Variants in TMEM127 observed in about 807,000 individuals in gnomAD.
TMEM127 encodes the protein transmembrane protein 127.
Under a neutral mutation model 20.1 loss-of-function variants are expected in TMEM127, and 21 were observed. That is an observed-to-expected ratio of 1.04 (90% CI 0.74 to 1.50). The LOEUF (loss-of-function observed/expected upper bound fraction) is 1.50, where lower values mean the gene tolerates loss of function less well. Ranked by LOEUF, TMEM127 falls within the 40% of genes most tolerant of loss-of-function variation. TMEM127 has a pLI of 0.00. For missense variants in TMEM127, 303 were observed against 317.4 expected (o/e 0.95, Z 0.34); for synonymous variants, 150 against 144.7 (o/e 1.04, Z -0.26).
rs571622935 is a variant in TMEM127, at chr2:96,262,262, T to TAA, written c.244+2874_244+2875dup. Reference sequence around the variant, plus strand: ...TGACAGAGCAAGAGTCTGTCTCATTTAAAAAAAAAAAAAAAAAAACTCTAT... The same window carrying TAA: ...TGACAGAGCAAGAGTCTGTCTCATTTAAAAAAAAAAAAAAAAAAAAACTCTAT... On this transcript the variant is annotated intron_variant, in intron 2 of 3. Coordinates refer to ENST00000258439, the MANE Select transcript of TMEM127 (RefSeq NM_017849.4). Among the ~76,000 whole-genome samples, 531 of 132,938 alleles carry TAA rather than the reference T, an allele frequency of 4.0e-3. 1 individual carries two copies. The highest frequency in any genetic ancestry group is 5.1e-3 in the Admixed American group (67 of 13,124). The allele number at this position is 132,938 out of a possible 152,430, so 87.2% of individuals were successfully genotyped here.
chr2:96,260,212 G>A (rs1403607378), intron 2 of TMEM127, among the ~76,000 whole-genome samples: 4 of 152,186 alleles, frequency 2.6e-5, no homozygotes, highest in African/African-American at 4.8e-5. Context: ...AGAGCACACC[G>A]GAAGAACAGG....
At position 96,249,782 on chromosome 2, in the gene TMEM127, G is replaced by A. The variant is rs901244329; in HGVS notation, c.*4026C>T. ...TTCCATTAGTGTAGTGGCTGAGAGC[G>A]TGGATATTTCAGGCAAGATGCCAGC... On this transcript the variant is annotated 3_prime_UTR_variant, in exon 4 of 4. Coordinates refer to ENST00000258439, the MANE Select transcript of TMEM127 (RefSeq NM_017849.4). The A allele has an allele frequency of 3.0e-5, 7 of 233,004 alleles. No homozygotes were observed. The highest frequency in any genetic ancestry group is 1.1e-4 in the African/African-American group (5 of 45,322). The allele number at this position is 233,004 out of a possible 1,614,324, so 14.4% of individuals were successfully genotyped here.
chr2:96,261,225 T>G (rs1409810544), intron 2 of TMEM127, among the ~76,000 whole-genome samples: 2 of 151,534 alleles, frequency 1.3e-5, no homozygotes, highest in Non-Finnish European at 2.9e-5. Context: ...GAGAGCTGTG[T>G]GAGAAGCAGG....
Position 96,250,993 on chromosome 2 carries a change from C to G in TMEM127, c.*2815G>C, listed in dbSNP as rs1684076100. ...ACAGCCCAAAGAAGTCTATTTCCTC[C>G]CACAGGATGGCTAGAGTTTAGGAGC... On this transcript the variant is annotated 3_prime_UTR_variant, in exon 4 of 4. Coordinates refer to ENST00000258439, the MANE Select transcript of TMEM127 (RefSeq NM_017849.4). 1.3e-5 allele frequency: 3 copies of G among 226,156 alleles called. No individual in the cohort carries two copies. The highest frequency in any genetic ancestry group is 2.6e-5 in the Non-Finnish European group (3 of 113,588). 14.0% of individuals were successfully genotyped at this position (226,156 alleles called of 1,614,324 possible).
chr2:96,251,948 G>A lies in TMEM127; in HGVS notation c.*1860C>T, dbSNP rs1218963051. 4.3e-6 allele frequency: 1 copy of A among 233,162 alleles called. No individual in the cohort carries two copies. Among genetic ancestry groups the A allele is most frequent in the Non-Finnish European group, 8.5e-6 (1 of 117,792 alleles). 14.4% of individuals were successfully genotyped at this position (233,162 alleles called of 1,614,324 possible). On this transcript the variant is annotated 3_prime_UTR_variant, in exon 4 of 4. Transcript: ENST00000258439. ...AGACACCCAAGGGCAGAGAGAGCTG[G>A]CCACAAGTAAACCTGCCAATGACAA...
intron 2 of TMEM127, among the ~76,000 whole-genome samples, chr2:96,258,765 C>T (rs1211286178): frequency 6.6e-6 from 1 of 152,150 alleles, no homozygotes; most frequent in East Asian, 1.9e-4. Context: ...TTATTAAAAG[C>T]TAAGAGAGTT....
intron 2 of TMEM127, among the ~76,000 whole-genome samples, chr2:96,263,923 A>G (rs1331400229): frequency 6.6e-6 from 1 of 152,194 alleles, no homozygotes; most frequent in Non-Finnish European, 1.5e-5. Context: ...CATTAGCAAC[A>G]TGACAGAGAA....
rs1684069977 is a variant in TMEM127, at chr2:96,250,743, G to C, written c.*3065C>G. ...GAACGGAGAGAACGTGGGCAATCAAGGCCTGGCACTGCCCTACAGGAGGCT... is the reference window on the plus strand; with the variant it reads ...GAACGGAGAGAACGTGGGCAATCAACGCCTGGCACTGCCCTACAGGAGGCT... On this transcript the variant is annotated 3_prime_UTR_variant, in exon 4 of 4. Transcript: ENST00000258439. 4.3e-6 allele frequency: 1 copy of C among 232,806 alleles called. No individual in the cohort carries two copies. Among genetic ancestry groups the C allele is most frequent in the Non-Finnish European group, 8.5e-6 (1 of 117,884 alleles). 14.4% of individuals were successfully genotyped at this position (232,806 alleles called of 1,614,324 possible). A position where few individuals can be genotyped will look rare whatever the true frequency, so the allele number is the denominator to read the frequency against.
rs1304163073 is a variant in TMEM127 at position 96,252,224 on chromosome 2, T to C, written c.*1584A>G. The C allele has an allele frequency of 4.3e-6, 1 of 233,250 alleles. No individual in the cohort carries two copies. Among genetic ancestry groups the C allele is most frequent in the Admixed American group, 5.6e-5 (1 of 17,776 alleles). 14.4% of individuals were successfully genotyped at this position (233,250 alleles called of 1,614,324 possible). On this transcript the variant is annotated 3_prime_UTR_variant, in exon 4 of 4. Coordinates refer to ENST00000258439, the MANE Select transcript of TMEM127 (RefSeq NM_017849.4). This position sits in a 1 kb window ranked among gnomAD's most constrained non-coding sequence, Gnocchi z 4.2. ...GTCAATCTGGCCAAAGGATGGGACA[T>C]GACAGTCCCTTTCTAGCCACAGCTT...
In TMEM127 at chr2:96,249,318, G is replaced by T. The variant is rs1162516307; in HGVS notation, c.*4490C>A. The T allele has an allele frequency of 4.8e-6, 1 of 207,788 alleles. No individual in the cohort carries two copies. The highest frequency in any genetic ancestry group is 2.3e-5 in the African/African-American group (1 of 43,958). 12.9% of individuals were successfully genotyped at this position (207,788 alleles called of 1,614,324 possible). A position where few individuals can be genotyped will look rare whatever the true frequency, so the allele number is the denominator to read the frequency against. On this transcript the variant is annotated 3_prime_UTR_variant, in exon 4 of 4. Coordinates refer to ENST00000258439, the MANE Select transcript of TMEM127 (RefSeq NM_017849.4). ...TCACCATGTTGGCCAGAATGGTCTC[G>T]ATCTCCTGACCTTGTGATCCACCCA...
chr2:96,260,189 C>T (rs1684287039), intron 2 of TMEM127, among the ~76,000 whole-genome samples: 1 of 152,216 alleles, frequency 6.6e-6, no homozygotes, highest in South Asian at 2.1e-4. Flanking sequence ...GTGGGTTTTC[C>T]TCAGAGGGTC....
At position 96,251,161 on chromosome 2, in the gene TMEM127, G is replaced by C; in HGVS notation, c.*2647C>G. On this transcript the variant is annotated 3_prime_UTR_variant, in exon 4 of 4. Coordinates refer to ENST00000258439, the MANE Select transcript of TMEM127 (RefSeq NM_017849.4). ...TCCTGTGTGAAAACAGGATTAGGAA[G>C]CTCTGGGGGTGAAAATGCCATGCAC... The C allele has an allele frequency of 4.6e-6, 1 of 216,298 alleles. No homozygotes were observed. The allele number at this position is 216,298 out of a possible 1,614,324, so 13.4% of individuals were successfully genotyped here.
In TMEM127 at chr2:96,251,702, T is replaced by A; in HGVS notation, c.*2106A>T. The A allele has an allele frequency of 4.3e-6, 1 of 232,204 alleles. No individual in the cohort carries two copies. Among genetic ancestry groups the A allele is most frequent in the Non-Finnish European group, 8.5e-6 (1 of 117,322 alleles). The allele number at this position is 232,204 out of a possible 1,614,324, so 14.4% of individuals were successfully genotyped here. A position where few individuals can be genotyped will look rare whatever the true frequency, so the allele number is the denominator to read the frequency against. On this transcript the variant is annotated 3_prime_UTR_variant, in exon 4 of 4. Coordinates refer to ENST00000258439, the MANE Select transcript of TMEM127 (RefSeq NM_017849.4). ...TTTGTTTTCCCTTTTAATTTTTTTC[T>A]AGAAAAAAAAACACAACCCGGGGAA...
intron 2 of TMEM127, among the ~76,000 whole-genome samples, chr2:96,262,206 C>T (rs1684324536): frequency 1.3e-5 from 2 of 150,602 alleles, no homozygotes; most frequent in Admixed American, 1.3e-4. Flanking sequence ...TTGCAGTGAG[C>T]TGAGATGGCG....
chr2:96,255,033 T>A, intron 2 of TMEM127, 36 bp from the exon 3 acceptor site: 1 of 1,613,320 alleles, frequency 6.2e-7, no homozygotes, highest in Non-Finnish European at 8.5e-7. Context: ...CGGCCCCAAG[T>A]AACACTTGGT....
At chr2:96,259,571 G>A (rs1684275410) in intron 2 of TMEM127, among the ~76,000 whole-genome samples, 1 of 152,192 alleles carries the variant, frequency 6.6e-6, no homozygotes, top group South Asian at 2.1e-4. Flanking sequence ...TCCTCACATG[G>A]GGAATTATTG....
rs1018184307 is a variant in TMEM127 at position 96,252,703 on chromosome 2, G to A, written c.*1105C>T. ...TTGTATTCCTATGTGGAGGGTGGTG[G>A]GTTCCTGCCCTGTTGTGGCCCCTGT... On this transcript the variant is annotated 3_prime_UTR_variant, in exon 4 of 4. Transcript: ENST00000258439. The surrounding 1 kb of genome is among the most constrained non-coding windows in gnomAD (Gnocchi z 4.2). 8.6e-6 allele frequency: 2 copies of A among 233,798 alleles called. No individual in the cohort carries two copies. Among genetic ancestry groups the A allele is most frequent in the Non-Finnish European group, 1.7e-5 (2 of 118,220 alleles). 14.5% of individuals were successfully genotyped at this position (233,798 alleles called of 1,614,324 possible).
intron 2 of TMEM127, among the ~76,000 whole-genome samples, chr2:96,264,101 A>G (rs1006192820): frequency 2.0e-5 from 3 of 152,230 alleles, no homozygotes; most frequent in African/African-American, 7.2e-5. Flanking sequence ...CAGTAAGAGA[A>G]CACTCAGAGA....
chr2:96,265,675 G>A (rs1210806273), intron 1 of TMEM127, among the ~76,000 whole-genome samples, 163 bp from the exon 2 acceptor site: 1 of 152,116 alleles, frequency 6.6e-6, no homozygotes, highest in Admixed American at 6.5e-5. Context: ...GCAGACTCGA[G>A]TGGGGGGCGG....
Sources: allele counts gnomAD v4.1 joint callset (sites outside exome capture counted in the v4.1 genomes callset), GRCh38; gene constraint gnomAD v4.1.1; non-coding constraint Gnocchi (gnomAD v3.1); transcripts MANE v1.5; gene names NCBI Gene and HGNC (gene_info 2026-07-23, HGNC 2026-07-21).